The following NDUFA10 variants were observed in gnomAD, a reference collection of about 807,000 sequenced individuals.
The protein encoded by NDUFA10 is NADH:ubiquinone oxidoreductase subunit A10.
In NDUFA10, 40 loss-of-function variants were observed where a neutral mutation model predicts 47.8. The ratio of observed to expected loss-of-function variants is 0.84; its 90% CI spans 0.65 to 1.09. NDUFA10 has a LOEUF of 1.09. Among genes scored for constraint, NDUFA10 ranks in the 50% least tolerant of loss-of-function variants. The probability of loss-of-function intolerance (pLI) is 0.00; values close to 1 mark genes in which losing one functional copy is unlikely to be tolerated. For missense variants in NDUFA10, 413 were observed against 451.1 expected (o/e 0.92, Z 0.76); for synonymous variants, 183 against 172.2 (o/e 1.06, Z -0.49).
intron 4 of NDUFA10, chr2:240,017,718 C>A (rs1482391185): frequency 2.1e-5 from 20 of 938,130 alleles, no homozygotes; most frequent in Non-Finnish European, 2.7e-5. Flanking sequence ...CACGGGCTTG[C>A]AGTGCTCTTG....
intron 9 of NDUFA10, among the ~76,000 whole-genome samples, chr2:239,980,660 A>G (rs1695736011): frequency 6.6e-6 from 1 of 152,254 alleles, no homozygotes; most frequent in Non-Finnish European, 1.5e-5. Context: ...ATATGCAGAA[A>G]AGCTTCTTGA....
rs1333662142 is a variant in NDUFA10 at position 239,899,471 on chromosome 2, G to GGGTGTGATGGAGA, written c.295-4170_295-4158dup. ...GTTGTGATGGAGGGGTGTGACGGAGGGGTGTGATGGAGAGGTGTGATGGAG... is the reference window on the plus strand; with the variant it reads ...GTTGTGATGGAGGGGTGTGACGGAGGGGTGTGATGGAGAGGTGTGATGGAGAGGTGTGATGGAG... On this transcript the variant is annotated intron_variant, in intron 4 of 5. Coordinates refer to the NDUFA10 transcript ENST00000419408. 1.5e-4 allele frequency among the ~76,000 whole-genome samples: 18 copies of GGGTGTGATGGAGA among 119,888 alleles called. 1 individual carries two copies. Among genetic ancestry groups the GGGTGTGATGGAGA allele is most frequent in the East Asian group, 6.0e-4 (2 of 3,358 alleles). 78.7% of individuals were successfully genotyped at this position (119,888 alleles called of 152,430 possible).
chr2:239,936,455 T>C lies in NDUFA10; in HGVS notation c.295-41141A>G, dbSNP rs1040599840. 3.3e-5 allele frequency among the ~76,000 whole-genome samples: 5 copies of C among 152,306 alleles called. No homozygotes were observed. In the East Asian group the frequency reaches 7.7e-4, roughly 24 times the overall value. ...ACGGTGGATACGTGTCATTATGCGT[T>C]TGCTGAAACCCATAGCAGGCACAAC... is the stretch of plus-strand genomic sequence containing the variant. On this transcript the variant is annotated intron_variant, in intron 4 of 5. Coordinates refer to the NDUFA10 transcript ENST00000419408.
At chr2:239,907,122 G>C (rs13402257) in intron 4 of NDUFA10, among the ~76,000 whole-genome samples, 1 of 151,992 alleles carries the variant, frequency 6.6e-6, no homozygotes, top group African/African-American at 2.4e-5. Context: ...ACAACCATCC[G>C]ATCTGTGACA....
chr2:240,019,028 T>C (rs1358822217), intron 3 of NDUFA10, among the ~76,000 whole-genome samples: 1 of 151,848 alleles, frequency 6.6e-6, no homozygotes, highest in Non-Finnish European at 1.5e-5. Context: ...CCAGCCTCAC[T>C]GGCTGTGTTA....
intron 8 of NDUFA10, among the ~76,000 whole-genome samples, chr2:240,004,901 T>G (rs1218373544): frequency 3.9e-5 from 6 of 152,236 alleles, no homozygotes; most frequent in Non-Finnish European, 7.3e-5. Context: ...TCTATTTGTT[T>G]ACTCTGTCTC....
chr2:239,943,133 A>T (rs1694389211), intron 4 of NDUFA10: 1 of 154,238 alleles, frequency 6.5e-6, no homozygotes, highest in Admixed American at 6.5e-5. Context: ...CTTCTTACGG[A>T]GAGTTTCAAC....
intron 4 of NDUFA10, among the ~76,000 whole-genome samples, chr2:239,908,218 T>C (rs1451927558): frequency 2.2e-5 from 3 of 136,320 alleles, no homozygotes; most frequent in Admixed American, 7.6e-5. Flanking sequence ...GGACACAGGG[T>C]GGGGAACATC....
At chr2:239,947,100 G>A (rs765277172) in intron 4 of NDUFA10, among the ~76,000 whole-genome samples, 3 of 152,210 alleles carry the variant, frequency 2.0e-5, no homozygotes, top group African/African-American at 4.8e-5. Context: ...CCTGGGTAAG[G>A]AGCTGGGATC....
intron 8 of NDUFA10, among the ~76,000 whole-genome samples, chr2:239,991,613 G>A (rs901399455): frequency 6.6e-6 from 1 of 152,212 alleles, no homozygotes; most frequent in African/African-American, 2.4e-5. Context: ...AGAGGAAACT[G>A]CTGCTAGCTT....
At chr2:240,022,124 C>A (rs780996420) in intron 2 of NDUFA10, 48 bp downstream of exon 2, 1 of 1,547,310 alleles carries the variant, frequency 6.5e-7, no homozygotes, top group Non-Finnish European at 8.9e-7. Flanking sequence ...AAATAAGCAA[C>A]CATATATCTG....
intron 4 of NDUFA10, among the ~76,000 whole-genome samples, chr2:239,924,230 A>G (rs1407520433): frequency 1.3e-5 from 2 of 152,078 alleles, no homozygotes; most frequent in Non-Finnish European, 2.9e-5. Flanking sequence ...TAAAAACCTG[A>G]AAAAGGAAGC....
intron 4 of NDUFA10, among the ~76,000 whole-genome samples, chr2:239,905,161 G>T (rs1157226218): frequency 2.6e-5 from 4 of 152,164 alleles, no homozygotes; most frequent in African/African-American, 7.2e-5. Context: ...AGCCCAGGGG[G>T]TTGAACGCAA....
chr2:240,008,131 T>C (rs1050850754), intron 6 of NDUFA10, among the ~76,000 whole-genome samples: 1 of 152,200 alleles, frequency 6.6e-6, no homozygotes, highest in Admixed American at 6.5e-5. Context: ...AGTCTCATCA[T>C]TACTGACTCA....
At chr2:239,922,305 T>A (rs1694003002) in intron 4 of NDUFA10, among the ~76,000 whole-genome samples, 1 of 152,162 alleles carries the variant, frequency 6.6e-6, no homozygotes, top group Non-Finnish European at 1.5e-5. Flanking sequence ...CAGTCTGCCT[T>A]TCTGCTGACT....
At chr2:240,019,315 A>G (rs1697509439) in intron 3 of NDUFA10, among the ~76,000 whole-genome samples, 1 of 152,204 alleles carries the variant, frequency 6.6e-6, no homozygotes, top group Admixed American at 6.5e-5. Context: ...GGCACACAGC[A>G]GACATGCACT....
intron 7 of NDUFA10, 79 bp from the exon 8 acceptor site, chr2:240,005,374 G>GGTCC (rs1258424017): frequency 8.6e-7 from 1 of 1,168,938 alleles, no homozygotes; most frequent in African/African-American, 1.5e-5. Context: ...TTTGAGACAG[G>GGTCC]GTCCGGCTCT....
chr2:240,009,374 G>A (rs748869460), intron 6 of NDUFA10, among the ~76,000 whole-genome samples: 5 of 152,160 alleles, frequency 3.3e-5, no homozygotes, highest in Non-Finnish European at 4.4e-5. Flanking sequence ...TGTTGAACGC[G>A]GGAATGGCCA....
chr2:240,013,314 A>G (rs1387239159), intron 5 of NDUFA10: 1 of 152,250 alleles, frequency 6.6e-6, no homozygotes, highest in African/African-American at 2.4e-5. Flanking sequence ...TGATGACAGT[A>G]TTGAAGACTT....
Sources: gnomAD v4.1 joint callset for allele counts (sites outside exome capture counted in the v4.1 genomes callset) on GRCh38, gnomAD v4.1.1 for gene constraint, MANE v1.5 for transcripts, NCBI Gene and HGNC (gene_info 2026-07-23, HGNC 2026-07-21) for gene names.